The following LVRN variants were observed in gnomAD, a reference collection of about 807,000 sequenced individuals.
LVRN encodes laeverin.
Under a neutral mutation model 111.4 loss-of-function variants are expected in LVRN, and 99 were observed. The observed-to-expected ratio is 0.89, with a 90% confidence interval of 0.76 to 1.05. The LOEUF (loss-of-function observed/expected upper bound fraction) is 1.05. LVRN is among the 50% of genes least tolerant of loss of function. The pLI, the probability that LVRN is intolerant of heterozygous loss-of-function variation, is 0.00. For synonymous variants in LVRN, 488 were observed against 449.5 expected (o/e 1.09, Z -1.08); for missense variants, 1,414 against 1,206.8 (o/e 1.17, Z -2.54).
intron 1 of LVRN, among the ~76,000 whole-genome samples, chr5:115,971,893 T>G (rs1220691521): frequency 6.6e-6 from 1 of 152,136 alleles, no homozygotes; most frequent in Admixed American, 6.5e-5. Flanking sequence ...TTATGTTGAC[T>G]CTATAGAAAA....
At position 116,026,226 on chromosome 5, in the gene LVRN, T is replaced by C; in HGVS notation, c.*108T>C. 1 of 1,468,764 alleles carries C rather than the reference T, an allele frequency of 6.8e-7. No individual in the cohort carries two copies. The highest frequency in any genetic ancestry group is 2.1e-5 in the Admixed American group (1 of 48,490). The allele number at this position is 1,468,764 out of a possible 1,614,324, so 91.0% of individuals were successfully genotyped here. Reference sequence around the variant, plus strand: ...GGAAAACCACACATTTTATTTGTATTTCAGTCACATTTATTACTCAGAGTG... The same window carrying C: ...GGAAAACCACACATTTTATTTGTATCTCAGTCACATTTATTACTCAGAGTG... On this transcript the variant is annotated 3_prime_UTR_variant, in exon 20 of 20. Transcript: ENST00000357872.
At chr5:115,970,961 A>T (rs1201569314) in intron 1 of LVRN, among the ~76,000 whole-genome samples, 3 of 152,228 alleles carry the variant, frequency 2.0e-5, no homozygotes, top group African/African-American at 4.8e-5. Flanking sequence ...GAGTTTGGTC[A>T]TTTAAAATTT....
At chr5:116,018,426 A>G (rs917191486) in intron 18 of LVRN, among the ~76,000 whole-genome samples, 3 of 152,140 alleles carry the variant, frequency 2.0e-5, no homozygotes, top group African/African-American at 7.2e-5. Flanking sequence ...TAATCCCAGC[A>G]CTTTGGGAGG....
rs1396339274 is a variant in LVRN at position 115,975,234 on chromosome 5, C to T, written c.696-8053C>T. The T allele has an allele frequency of 1.1e-5, 5 of 473,244 alleles. No homozygotes were observed. In the East Asian group the frequency reaches 1.7e-4, roughly 16 times the overall value. The allele number at this position is 473,244 out of a possible 1,614,324, so 29.3% of individuals were successfully genotyped here. On this transcript the variant is annotated intron_variant, in intron 1 of 19. Coordinates refer to ENST00000357872, the MANE Select transcript of LVRN (RefSeq NM_173800.5). ...AAATCTTCATTATCTTGGGTTCACA[C>T]CCCATGTCCAGCATATTGTCTGCTT...
At chr5:115,967,044 T>C (rs1753218416) in intron 1 of LVRN, among the ~76,000 whole-genome samples, 1 of 152,246 alleles carries the variant, frequency 6.6e-6, no homozygotes, top group Non-Finnish European at 1.5e-5. Flanking sequence ...TCTAAGTCTT[T>C]TGTGAGATAT....
intron 4 of LVRN, among the ~76,000 whole-genome samples, chr5:115,988,180 C>A (rs1219122436): frequency 6.6e-6 from 1 of 152,196 alleles, no homozygotes; most frequent in African/African-American, 2.4e-5. Flanking sequence ...TTTTAGGTCT[C>A]TCCTGGCTAC....
intron 4 of LVRN, among the ~76,000 whole-genome samples, chr5:115,991,824 C>T (rs912357920): frequency 6.6e-6 from 1 of 152,136 alleles, no homozygotes; most frequent in Admixed American, 6.6e-5. Context: ...GGTGTATGTT[C>T]AGATCTTTTG....
intron 1 of LVRN, among the ~76,000 whole-genome samples, chr5:115,979,545 C>G (rs1753519488): frequency 6.6e-6 from 1 of 152,170 alleles, no homozygotes; most frequent in African/African-American, 2.4e-5. Flanking sequence ...CAGGCATACC[C>G]AGGTTCTCAA....
intron 1 of LVRN, among the ~76,000 whole-genome samples, chr5:115,980,354 T>C (rs1392522775): frequency 2.0e-5 from 3 of 151,826 alleles, no homozygotes; most frequent in Non-Finnish European, 2.9e-5. Flanking sequence ...GCAGTTAAGG[T>C]TGAGAGCCAA....
In LVRN at chr5:115,962,625, C is replaced by T. The variant is rs761223132; in HGVS notation, c.8C>T (p.Pro3Leu). The change falls in exon 1 of 20, where the codon CCC (proline) becomes CTC (leucine). Residue 3 changes from proline to leucine, a missense_variant. Physicochemically the swap from Pro to Leu is moderately conservative, Grantham distance 98 (BLOSUM62 -3). Coordinates refer to ENST00000357872, the MANE Select transcript of LVRN (RefSeq NM_173800.5). ...CTGAACCCGGTCCCTGCCATGGGGC[C>T]CCCTTCCAGCTCAGGCTTCTATGTG... is the stretch of plus-strand genomic sequence containing the variant. MG[P>L]PSSSGFYVSR... 4.4e-6 allele frequency: 7 copies of T among 1,594,554 alleles called. No homozygotes were observed. The highest frequency in any genetic ancestry group is 1.7e-5 in the Admixed American group (1 of 59,376).
intron 1 of LVRN, among the ~76,000 whole-genome samples, chr5:115,977,268 C>T (rs1239888672): frequency 2.0e-5 from 3 of 152,158 alleles, no homozygotes; most frequent in Admixed American, 6.5e-5. Context: ...TGAACTCTAA[C>T]GTCTGTCTCT....
chr5:116,002,819 A>G lies in LVRN; in HGVS notation c.1821-16A>G, dbSNP rs770864699. On this transcript the variant is annotated splice_polypyrimidine_tract_variant and intron_variant, in intron 10 of 19. Coordinates refer to ENST00000357872, the MANE Select transcript of LVRN (RefSeq NM_173800.5). ...TGTGTGAAAAGTAACTAATTTTTTTATTTTCTTCCAATAAGTGACACATGG... is the reference window on the plus strand; with the variant it reads ...TGTGTGAAAAGTAACTAATTTTTTTGTTTTCTTCCAATAAGTGACACATGG... 5.1e-6 allele frequency: 8 copies of G among 1,566,422 alleles called. No homozygotes were observed. The highest frequency in any genetic ancestry group is 7.0e-6 in the Non-Finnish European group (8 of 1,143,762).
intron 10 of LVRN, among the ~76,000 whole-genome samples, chr5:116,002,345 G>A (rs1748253218): frequency 6.6e-6 from 1 of 152,252 alleles, no homozygotes; most frequent in African/African-American, 2.4e-5. Flanking sequence ...GAAGAATGCA[G>A]ACATTGAATA....
chr5:116,003,035 G>A (rs1560080), intron 11 of LVRN, 124 bp downstream of exon 11: 795,946 of 963,386 alleles, frequency 0.83, 330,540 homozygotes, highest in African/African-American at 0.92. Flanking sequence ...TTCTTGTAGA[G>A]CATAGAGTTT....
rs893866694 is a variant in LVRN, at chr5:116,027,039, G to A, written c.*921G>A. 6.6e-6 allele frequency: 1 copy of A among 152,194 alleles called. No homozygotes were observed. The highest frequency in any genetic ancestry group is 1.5e-5 in the Non-Finnish European group (1 of 68,018). The allele number at this position is 152,194 out of a possible 1,614,324, so 9.4% of individuals were successfully genotyped here. On this transcript the variant is annotated 3_prime_UTR_variant, in exon 20 of 20. Coordinates refer to ENST00000357872, the MANE Select transcript of LVRN (RefSeq NM_173800.5). ...CATAATCCTTACAGTTTTGCACTCAGGGGATTAAGTTTGAAACATAGTGTC... is the reference window on the plus strand; with the variant it reads ...CATAATCCTTACAGTTTTGCACTCAAGGGATTAAGTTTGAAACATAGTGTC...
At chr5:116,004,631 C>A (rs1027089817) in intron 12 of LVRN, among the ~76,000 whole-genome samples, 1 of 152,090 alleles carries the variant, frequency 6.6e-6, no homozygotes, top group Non-Finnish European at 1.5e-5. Context: ...AAAAAACCCC[C>A]AAAAAACTCC....
intron 2 of LVRN, 25 bp downstream of exon 2, chr5:115,983,454 C>A: frequency 6.4e-7 from 1 of 1,572,102 alleles, no homozygotes; most frequent in East Asian, 2.2e-5. Flanking sequence ...CTGTCTATAT[C>A]TAGCTGTCTA....
intron 18 of LVRN, among the ~76,000 whole-genome samples, chr5:116,017,417 A>G (rs1339338756): frequency 6.6e-6 from 1 of 152,212 alleles, no homozygotes; most frequent in Non-Finnish European, 1.5e-5. Flanking sequence ...TGTTAACACT[A>G]TTGGAGGTCA....
intron 3 of LVRN, among the ~76,000 whole-genome samples, chr5:115,986,674 TTAAGTAA>T (rs1747871757): frequency 6.6e-6 from 1 of 152,170 alleles, no homozygotes; most frequent in African/African-American, 2.4e-5. Flanking sequence ...AAATTTCTCA[TTAAGTAA>T]CAGATAAAGA....
Sources: allele counts gnomAD v4.1 joint callset (sites outside exome capture counted in the v4.1 genomes callset), GRCh38; gene constraint gnomAD v4.1.1; transcripts MANE v1.5; gene names NCBI Gene and HGNC (gene_info 2026-07-23, HGNC 2026-07-21).